The following CHN2 variants were observed in gnomAD, a reference collection of about 807,000 sequenced individuals.
The protein encoded by CHN2 is beta-chimaerin.
A neutral mutation model predicts 56.3 loss-of-function variants in CHN2; 35 were observed. The ratio of observed to expected loss-of-function variants is 0.62; its 90% CI spans 0.47 to 0.82. The LOEUF (loss-of-function observed/expected upper bound fraction) is 0.82. CHN2 is among the 40% of genes least tolerant of loss of function. CHN2 has a pLI of 0.00. For synonymous variants in CHN2, 210 were observed against 212.8 expected (o/e 0.99, Z 0.12); for missense variants, 491 against 580.5 (o/e 0.85, Z 1.58).
chr7:29,225,593 G>A (rs543969290), intron 1 of CHN2, among the ~76,000 whole-genome samples: 1 of 152,294 alleles, frequency 6.6e-6, no homozygotes, highest in South Asian at 2.1e-4. Context: ...TAGGACATTA[G>A]TGCTGTAGTT....
intron 3 of CHN2, among the ~76,000 whole-genome samples, chr7:29,373,918 T>C (rs1799817154): frequency 6.6e-6 from 1 of 152,200 alleles, no homozygotes; most frequent in African/African-American, 2.4e-5. Flanking sequence ...TTTATTGAAA[T>C]AAATGTTTTA....
At chr7:29,431,951 C>T (rs1302650661) in intron 6 of CHN2, among the ~76,000 whole-genome samples, 1 of 152,218 alleles carries the variant, frequency 6.6e-6, no homozygotes, top group African/African-American at 2.4e-5. Flanking sequence ...CTCATCTCAC[C>T]CTGCGGGCTG....
At chr7:29,419,591 G>T (rs1804128108) in intron 6 of CHN2, among the ~76,000 whole-genome samples, 1 of 151,924 alleles carries the variant, frequency 6.6e-6, no homozygotes, top group African/African-American at 2.4e-5. Context: ...ATCTAATAAG[G>T]GTTTAATATC....
intron 1 of CHN2, among the ~76,000 whole-genome samples, chr7:29,198,957 A>G (rs1584704727): frequency 6.6e-6 from 1 of 152,280 alleles, no homozygotes; most frequent in East Asian, 1.9e-4. Flanking sequence ...TTATCAAAAT[A>G]AAGTTGACAC....
Position 29,509,401 on chromosome 7 carries a change from C to A in CHN2, c.1230C>A (p.Leu410=). The A allele has an allele frequency of 6.2e-7, 1 of 1,612,972 alleles. No homozygotes were observed. Among genetic ancestry groups the A allele is most frequent in the Non-Finnish European group, 8.5e-7 (1 of 1,179,046 alleles). ...CCCTCCGGTACCTAATGATCCACCT[C>A]AAAAAGTAAGCTCATGTCTCGTGCA... is the stretch of plus-strand genomic sequence containing the variant. ...YETLRYLMIH[L]KKVTMNEKDN... The change falls in exon 12 of 13, where the codon CTC becomes CTA. Residue 410 remains leucine, a synonymous_variant. Coordinates refer to ENST00000222792, the MANE Select transcript of CHN2 (RefSeq NM_004067.4).
intron 4 of CHN2, among the ~76,000 whole-genome samples, chr7:29,395,040 C>T (rs550893315): frequency 6.6e-6 from 1 of 152,020 alleles, no homozygotes; most frequent in South Asian, 2.1e-4. Context: ...TTTTTTTCTT[C>T]CACTTAAAAA....
At chr7:29,467,972 T>C (rs932703379) in intron 6 of CHN2, among the ~76,000 whole-genome samples, 3 of 152,196 alleles carry the variant, frequency 2.0e-5, no homozygotes, top group Non-Finnish European at 4.4e-5. Flanking sequence ...GCATGTGTGC[T>C]GCTTCTTCAC....
chr7:29,366,647 G>C (rs546240890), intron 2 of CHN2, among the ~76,000 whole-genome samples: 45 of 152,256 alleles, frequency 3.0e-4, no homozygotes, highest in African/African-American at 1.1e-3. Flanking sequence ...TGAGCTAAAG[G>C]GTTGTGGTGA....
chr7:29,472,471 CT>C (rs1786187219), intron 6 of CHN2, among the ~76,000 whole-genome samples: 1 of 152,176 alleles, frequency 6.6e-6, no homozygotes, highest in African/African-American at 2.4e-5. Context: ...CTGCGTGTTC[CT>C]GGATCTGGGC....
At chr7:29,404,916 G>T (rs1168867329) in intron 6 of CHN2, among the ~76,000 whole-genome samples, 2 of 151,836 alleles carry the variant, frequency 1.3e-5, no homozygotes, top group South Asian at 4.2e-4. Context: ...AATATCCCTT[G>T]AAGGATGCAA....
chr7:29,283,805 G>A (rs1791918086), intron 1 of CHN2, among the ~76,000 whole-genome samples: 1 of 151,490 alleles, frequency 6.6e-6, no homozygotes, highest in East Asian at 2.0e-4. Context: ...TTTTAGTAGA[G>A]ATGGGGTTTC....
chr7:29,457,512 T>C (rs1784854539), intron 6 of CHN2, among the ~76,000 whole-genome samples: 1 of 152,166 alleles, frequency 6.6e-6, no homozygotes, highest in Admixed American at 6.5e-5. Context: ...TAACAAAGTA[T>C]GTTTGTTTCC....
intron 6 of CHN2, among the ~76,000 whole-genome samples, chr7:29,411,432 C>A (rs766829985): frequency 3.9e-5 from 6 of 152,184 alleles, no homozygotes; most frequent in Non-Finnish European, 7.3e-5. Context: ...CCCCACCCCA[C>A]CCCCAGAGTG....
At chr7:29,306,139 A>G (rs1794140922) in intron 1 of CHN2, among the ~76,000 whole-genome samples, 1 of 152,114 alleles carries the variant, frequency 6.6e-6, no homozygotes. Context: ...AGGATTTGTT[A>G]TGGAAGCTGG....
chr7:29,183,081 C>CTTT (rs34942216), intron 2 of CHN2, among the ~76,000 whole-genome samples: 3 of 131,892 alleles, frequency 2.3e-5, no homozygotes, highest in Non-Finnish European at 3.2e-5. Flanking sequence ...ACATGGCAGA[C>CTTT]TTTTTTTTTT....
intron 1 of CHN2, among the ~76,000 whole-genome samples, chr7:29,349,491 G>GCAAACTCTCATTT (rs1797714114): frequency 1.3e-5 from 2 of 152,190 alleles, no homozygotes; most frequent in South Asian, 4.2e-4. Context: ...GCTCTCAACC[G>GCAAACTCTCATTT]CAAACTCTCA....
chr7:29,427,606 A>ATT (rs1237746789), intron 6 of CHN2, among the ~76,000 whole-genome samples: 2 of 98,480 alleles, frequency 2.0e-5, no homozygotes, highest in African/African-American at 1.0e-4. Context: ...GTTGCTACTC[A>ATT]TATATCTGTT....
chr7:29,392,069 A>G lies in CHN2; in HGVS notation c.145-1610A>G, dbSNP rs140222410. Among the ~76,000 whole-genome samples, 72 of 152,344 alleles carry G rather than the reference A, an allele frequency of 4.7e-4. 1 individual carries two copies. The highest frequency in any genetic ancestry group is 1.5e-3 in the African/African-American group (61 of 41,590). On this transcript the variant is annotated intron_variant, in intron 3 of 12. Transcript: ENST00000222792. ...GCAAACTTGTGCTACGGTTCAGCCAAAAAGATGGAAATTTAAAAATCGTCC... is the reference window on the plus strand; with the variant it reads ...GCAAACTTGTGCTACGGTTCAGCCAGAAAGATGGAAATTTAAAAATCGTCC...
intron 1 of CHN2, among the ~76,000 whole-genome samples, chr7:29,246,268 A>G (rs976828321): frequency 1.3e-5 from 2 of 152,006 alleles, no homozygotes; most frequent in African/African-American, 2.4e-5. Context: ...GTTCCCAGAG[A>G]TCTCTTGTCT....
Sources: gnomAD v4.1 joint callset for allele counts (sites outside exome capture counted in the v4.1 genomes callset) on GRCh38, gnomAD v4.1.1 for gene constraint, MANE v1.5 for transcripts, NCBI Gene and HGNC (gene_info 2026-07-23, HGNC 2026-07-21) for gene names.